The following CASR variants were observed in gnomAD, a reference collection of about 807,000 sequenced individuals.
CASR encodes calcium sensing receptor.
In CASR, 23 loss-of-function variants were observed where a neutral mutation model predicts 69.1. The ratio of observed to expected loss-of-function variants is 0.33; its 90% CI spans 0.24 to 0.47. The LOEUF is 0.47. Among genes scored for constraint, CASR ranks in the 20% least tolerant of loss-of-function variants. CASR has a pLI of 1.00. For missense variants in CASR, 924 were observed against 1,356.1 expected, an observed-to-expected ratio of 0.68 and a Z score of 5.00; for synonymous variants, 541 against 544.7, an observed-to-expected ratio of 0.99 and a Z score of 0.10.
chr3:122,239,963 A>G (rs1047776301), intron 1 of CASR, among the ~76,000 whole-genome samples: 4 of 152,220 alleles, frequency 2.6e-5, no homozygotes, highest in Non-Finnish European at 4.4e-5. Context: ...ATAGGGGTAG[A>G]AAGTTTATTC....
At chr3:122,252,172 G>C (rs1057115429) in intron 1 of CASR, among the ~76,000 whole-genome samples, 85 of 151,520 alleles carry the variant, frequency 5.6e-4, no homozygotes, top group African/African-American at 1.7e-3. Flanking sequence ...GGTAGCATGT[G>C]TTTGTAGTCC....
intron 1 of CASR, among the ~76,000 whole-genome samples, chr3:122,248,908 GT>G (rs1295797738): frequency 6.6e-6 from 1 of 152,142 alleles, no homozygotes; most frequent in Non-Finnish European, 1.5e-5. Flanking sequence ...GATTAGCCAC[GT>G]AGCTACTCTT....
At chr3:122,283,409 A>G (rs1294209210) in intron 6 of CASR, among the ~76,000 whole-genome samples, 1 of 152,226 alleles carries the variant, frequency 6.6e-6, no homozygotes, top group East Asian at 1.9e-4. Flanking sequence ...CCATCAGAAG[A>G]TAGTGTTAAG....
chr3:122,285,027 C>T lies in CASR; in HGVS notation c.3073C>T (p.Leu1025=), dbSNP rs747388218. 6 of 1,614,100 alleles carry T rather than the reference C, an allele frequency of 3.7e-6. No homozygotes were observed. The African/African-American group carries it at 4.0e-5, about 11-fold the overall frequency. Residue 1025 remains leucine, a synonymous_variant, in exon 7 of 7, where the codon CTG becomes TTG. Transcript: ENST00000639785. ...GCAGTGCGGGGAAACGGACTTAGAT[C>T]TGACCGTCCAGGAAACAGGTCTGCA... is the stretch of plus-strand genomic sequence containing the variant. ...PLQCGETDLD[L]TVQETGLQGP... is the part of the protein sequence containing the mutation.
chr3:122,224,944 G>A (rs943899465), intron 1 of CASR, among the ~76,000 whole-genome samples: 3 of 152,084 alleles, frequency 2.0e-5, no homozygotes, highest in African/African-American at 7.2e-5. Flanking sequence ...AGTGGGGAAA[G>A]GACTCCCCAT....
chr3:122,245,036 G>A (rs1219984411), intron 1 of CASR, among the ~76,000 whole-genome samples: 1 of 152,080 alleles, frequency 6.6e-6, no homozygotes, highest in African/African-American at 2.4e-5. Context: ...TATCTATGGA[G>A]GATTGGTTCA....
At chr3:122,230,627 T>G (rs142408278) in intron 1 of CASR, among the ~76,000 whole-genome samples, 5 of 152,262 alleles carry the variant, frequency 3.3e-5, no homozygotes, top group Non-Finnish European at 5.9e-5. Flanking sequence ...GAGCAGGACT[T>G]GGAAAGGAAC....
chr3:122,193,282 T>G (rs183379500), intron 1 of CASR, among the ~76,000 whole-genome samples: 99 of 152,140 alleles, frequency 6.5e-4, no homozygotes, highest in African/African-American at 2.3e-3. Context: ...AGTGGGGCGA[T>G]CTCAGCTCAC....
At position 122,284,569 on chromosome 3, in the gene CASR, T is replaced by C; in HGVS notation, c.2615T>C (p.Val872Ala). ...FKPSRNTIEE[V>A]RCSTAAHAFK... ...CCATCCCGCAACACCATCGAGGAGG[T>C]GCGTTGCAGCACCGCAGCTCACGCT... The change falls in exon 7 of 7, where the codon GTG becomes GCG. Residue 872 changes from valine to alanine, a missense_variant. Coordinates refer to ENST00000639785, the MANE Select transcript of CASR (RefSeq NM_000388.4). 6.2e-7 allele frequency: 1 copy of C among 1,614,006 alleles called. No individual in the cohort carries two copies. The highest frequency in any genetic ancestry group is 8.5e-7 in the Non-Finnish European group (1 of 1,180,016).
Position 122,286,367 on chromosome 3 carries a change from A to T in CASR, c.*1176A>T, listed in dbSNP as rs1385978164. The T allele has an allele frequency of 6.6e-6, 1 of 152,200 alleles. No individual in the cohort carries two copies. The highest frequency in any genetic ancestry group is 2.4e-5 in the African/African-American group (1 of 41,456). 9.4% of individuals were successfully genotyped at this position (152,200 alleles called of 1,614,324 possible). On this transcript the variant is annotated 3_prime_UTR_variant, in exon 7 of 7. Coordinates refer to ENST00000639785, the MANE Select transcript of CASR (RefSeq NM_000388.4). ...TCTAAGCCACAGCTTCTTCATCTTT[A>T]AAATAAGGATAATAATCATTCTTTC...
chr3:122,199,565 G>A (rs1344508039), intron 1 of CASR, among the ~76,000 whole-genome samples: 1 of 152,130 alleles, frequency 6.6e-6, no homozygotes, highest in African/African-American at 2.4e-5. Flanking sequence ...CAAAATTATA[G>A]AGGTTTATTT....
intron 3 of CASR, among the ~76,000 whole-genome samples, chr3:122,257,869 T>C (rs2074573189): frequency 6.6e-6 from 1 of 152,196 alleles, no homozygotes; most frequent in Non-Finnish European, 1.5e-5. Context: ...ACTTAATCAT[T>C]GTGTTGCACA....
intron 1 of CASR, among the ~76,000 whole-genome samples, chr3:122,235,452 A>G (rs2074320171): frequency 6.6e-6 from 1 of 152,220 alleles, no homozygotes; most frequent in Non-Finnish European, 1.5e-5. Flanking sequence ...TACTGGTTTC[A>G]TAAGATGTTA....
At chr3:122,248,782 G>A (rs777671081) in intron 1 of CASR, among the ~76,000 whole-genome samples, 1 of 152,138 alleles carries the variant, frequency 6.6e-6, no homozygotes, top group Non-Finnish European at 1.5e-5. Context: ...GAAATGTTGA[G>A]GCCAAGAGGT....
At chr3:122,260,568 G>A (rs1470746364) in intron 3 of CASR, among the ~76,000 whole-genome samples, 1 of 152,106 alleles carries the variant, frequency 6.6e-6, no homozygotes, top group African/African-American at 2.4e-5. Flanking sequence ...TTCACAATGC[G>A]ACCTTCAAAA....
chr3:122,194,754 A>C (rs1156282925), intron 1 of CASR, among the ~76,000 whole-genome samples: 2 of 151,700 alleles, frequency 1.3e-5, no homozygotes, highest in Non-Finnish European at 2.9e-5. Context: ...TTCAAATTCC[A>C]TTTTCATTAT....
chr3:122,275,770 T>C, intron 4 of CASR, 42 bp from the exon 5 acceptor site: 1 of 1,320,884 alleles, frequency 7.6e-7, no homozygotes, highest in South Asian at 1.2e-5. Context: ...TAGTTCTATG[T>C]GGCAGCCCTG....
At chr3:122,212,789 G>C (rs2074081836) in intron 1 of CASR, among the ~76,000 whole-genome samples, 1 of 151,980 alleles carries the variant, frequency 6.6e-6, no homozygotes, top group South Asian at 2.1e-4. Flanking sequence ...TTACAGGCAT[G>C]TGCCACCATG....
At chr3:122,188,508 A>G (rs2073809018) in intron 1 of CASR, among the ~76,000 whole-genome samples, 2 of 152,152 alleles carry the variant, frequency 1.3e-5, no homozygotes, top group Non-Finnish European at 2.9e-5. Context: ...GTACCAAAAA[A>G]AATGCTATCT....
Sources: gnomAD v4.1 joint callset for allele counts (sites outside exome capture counted in the v4.1 genomes callset) on GRCh38, gnomAD v4.1.1 for gene constraint, MANE v1.5 for transcripts, NCBI Gene and HGNC (gene_info 2026-07-23, HGNC 2026-07-21) for gene names.